The following RASGRF1 variants were observed in gnomAD, a reference collection of about 807,000 sequenced individuals.
The protein encoded by RASGRF1 is ras-specific guanine nucleotide-releasing factor 1.
Under a neutral mutation model 138.7 loss-of-function variants are expected in RASGRF1, and 40 were observed. That is an observed-to-expected ratio of 0.29 (90% CI 0.22 to 0.38). The LOEUF (loss-of-function observed/expected upper bound fraction) is 0.38, where lower values mean the gene tolerates loss of function less well. RASGRF1 is among the 10% of genes least tolerant of loss of function. The pLI is 1.00. For synonymous variants in RASGRF1, 614 were observed against 663.2 expected (o/e 0.93, Z 1.14); for missense variants, 1,108 against 1,650.4 (o/e 0.67, Z 5.69).
At chr15:78,962,672 C>T (rs1333916057) in intron 26 of RASGRF1, among the ~76,000 whole-genome samples, 1 of 152,120 alleles carries the variant, frequency 6.6e-6, no homozygotes, top group Non-Finnish European at 1.5e-5. Context: ...CGCTTGAGCC[C>T]AGGAGTTTGA....
rs368608513 is a variant in RASGRF1, at chr15:79,015,406, C to T, written c.1747G>A (p.Val583Met). Residue 583 changes from valine (V) to methionine (M), a missense_variant, in exon 13 of 27, where the codon GTG (valine) becomes ATG (methionine). Physicochemically the swap from Val to Met is conservative, Grantham distance 21. Transcript: ENST00000558480. ...AGCCCATTGCATCGGATGTTATCCACACACTGGAATCAGAGAGAGGACCCC... is the reference window on the plus strand; with the variant it reads ...AGCCCATTGCATCGGATGTTATCCATACACTGGAATCAGAGAGAGGACCCC... ...AAWTSDISQC[V>M]DNIRCNGLMM... 5 of 1,613,294 alleles carry T rather than the reference C, an allele frequency of 3.1e-6. No homozygotes were observed. The highest frequency in any genetic ancestry group is 1.3e-5 in the African/African-American group (1 of 74,918).
intron 26 of RASGRF1, 94 bp downstream of exon 26, chr15:78,971,772 G>A: frequency 8.5e-7 from 1 of 1,176,822 alleles, no homozygotes; most frequent in Non-Finnish European, 1.3e-6. Context: ...TTCTGGAAGG[G>A]AAAGTGGACG....
At chr15:79,089,475 G>A (rs1245540472) in intron 1 of RASGRF1, among the ~76,000 whole-genome samples, 1 of 152,230 alleles carries the variant, frequency 6.6e-6, no homozygotes, top group African/African-American at 2.4e-5. Context: ...CAGCGCTATA[G>A]CCGCGACTGC....
At chr15:79,020,386 C>T (rs539398558) in intron 10 of RASGRF1, among the ~76,000 whole-genome samples, 5 of 152,372 alleles carry the variant, frequency 3.3e-5, no homozygotes, top group Non-Finnish European at 5.9e-5. Flanking sequence ...CGGACAGAAC[C>T]TGGCCTGCTT....
intron 22 of RASGRF1, among the ~76,000 whole-genome samples, chr15:78,989,651 C>A (rs995915647): frequency 5.3e-5 from 8 of 152,106 alleles, no homozygotes; most frequent in Non-Finnish European, 1.2e-4. Flanking sequence ...GACATCATTG[C>A]CAGAGTAGCT....
chr15:78,998,165 A>T lies in RASGRF1; in HGVS notation c.2897T>A (p.Phe966Tyr). Residue 966 changes from phenylalanine to tyrosine, a missense_variant, in exon 19 of 27, where the codon TTC becomes TAC. This residue lies in a region of RASGRF1 where 686 missense variants were observed against 976.7 expected (regional missense o/e 0.70). Coordinates refer to ENST00000558480, the MANE Select transcript of RASGRF1 (RefSeq NM_001145648.3). ...NDELKCKVIG[F>Y]LEEVMHDPEL... Reference sequence around the variant, plus strand: ...CGGGTCGTGCATGACTTCTTCCAGGAAGCCGATCACCTTGCATTTGAGCTC... The same window carrying T: ...CGGGTCGTGCATGACTTCTTCCAGGTAGCCGATCACCTTGCATTTGAGCTC... 6.2e-7 allele frequency: 1 copy of T among 1,614,108 alleles called. No homozygotes were observed.
At chr15:78,967,935 T>A (rs1268492601) in intron 26 of RASGRF1, among the ~76,000 whole-genome samples, 1 of 152,202 alleles carries the variant, frequency 6.6e-6, no homozygotes, top group Admixed American at 6.5e-5. Context: ...AAAATAAAAT[T>A]AGCTGATGTA....
intron 10 of RASGRF1, among the ~76,000 whole-genome samples, chr15:79,022,462 C>G (rs2056974626): frequency 6.6e-6 from 1 of 150,522 alleles, no homozygotes; most frequent in Admixed American, 6.6e-5. Flanking sequence ...AACAACCCCC[C>G]CCCAAAAACC....
chr15:78,990,367 T>C, intron 21 of RASGRF1, 94 bp from the exon 22 acceptor site: 1 of 864,756 alleles, frequency 1.2e-6, no homozygotes, highest in Non-Finnish European at 1.9e-6. Flanking sequence ...TTTGGCTTTT[T>C]GAGGCTGTCA....
intron 22 of RASGRF1, among the ~76,000 whole-genome samples, chr15:78,986,126 A>G (rs1398755043): frequency 6.6e-6 from 1 of 152,136 alleles, no homozygotes; most frequent in Non-Finnish European, 1.5e-5. Context: ...CACACTTTGA[A>G]GCACTGCTGG....
chr15:79,033,243 C>CTTTA (rs950952870), intron 6 of RASGRF1, among the ~76,000 whole-genome samples: 4 of 152,022 alleles, frequency 2.6e-5, no homozygotes, highest in Non-Finnish European at 4.4e-5. Context: ...TCTTCCTTAT[C>CTTTA]TTTATTTATT....
chr15:79,005,069 G>A (rs940869044), intron 14 of RASGRF1: 1 of 985,320 alleles, frequency 1.0e-6, no homozygotes, highest in African/African-American at 1.7e-5. Context: ...GTGACTTTTA[G>A]GGGGTAAATC....
At chr15:79,055,584 ACACACACACT>A (rs1252303121) in intron 3 of RASGRF1, among the ~76,000 whole-genome samples, 1 of 151,066 alleles carries the variant, frequency 6.6e-6, no homozygotes, top group African/African-American at 2.5e-5. Context: ...ACACACACAC[ACACACACACT>A]CTCTCACTCA....
chr15:79,019,681 G>A (rs2056930682), intron 11 of RASGRF1, among the ~76,000 whole-genome samples: 1 of 152,218 alleles, frequency 6.6e-6, no homozygotes, highest in African/African-American at 2.4e-5. Context: ...GTGAATGAGG[G>A]GTGCTCACTG....
At chr15:78,981,575 T>TG (rs1481236829) in intron 23 of RASGRF1, 1 of 152,188 alleles carries the variant, frequency 6.6e-6, no homozygotes, top group Non-Finnish European at 1.5e-5. Context: ...CGCCCAATCT[T>TG]GGGGTCAGAT....
At chr15:79,071,084 C>T (rs968790322) in intron 1 of RASGRF1, among the ~76,000 whole-genome samples, 9 of 152,212 alleles carry the variant, frequency 5.9e-5, no homozygotes, top group Admixed American at 1.3e-4. Flanking sequence ...TGCTGTGTCC[C>T]CAAGGAGCAA....
chr15:79,002,503 C>A (rs2141704276), intron 15 of RASGRF1, among the ~76,000 whole-genome samples: 1 of 152,168 alleles, frequency 6.6e-6, no homozygotes, highest in Admixed American at 6.5e-5. Flanking sequence ...CAAGAATGTC[C>A]ACAGGCACAT....
At chr15:79,066,718 C>T (rs1172998973) in intron 1 of RASGRF1, among the ~76,000 whole-genome samples, 1 of 152,186 alleles carries the variant, frequency 6.6e-6, no homozygotes. Context: ...TCCCCTACAG[C>T]CTCACCCCTG....
chr15:79,082,167 G>A (rs1356783357), intron 1 of RASGRF1, among the ~76,000 whole-genome samples: 1 of 152,212 alleles, frequency 6.6e-6, no homozygotes, highest in Non-Finnish European at 1.5e-5. Context: ...GGGGCACAGT[G>A]CATGTGTGGG....
Sources: gnomAD v4.1 joint callset for allele counts (sites outside exome capture counted in the v4.1 genomes callset) on GRCh38, gnomAD v4.1.1 for gene constraint, gnomAD v4.1.1 regional missense constraint, MANE v1.5 for transcripts, NCBI Gene and HGNC (gene_info 2026-07-23, HGNC 2026-07-21) for gene names.